The following PALM2AKAP2 variants were observed in gnomAD, a reference collection of about 807,000 sequenced individuals.
PALM2AKAP2 encodes the protein PALM2-AKAP2 fusion protein.
In PALM2AKAP2, 37 loss-of-function variants were observed where a neutral mutation model predicts 71.5. The observed-to-expected ratio is 0.52, with a 90% CI of 0.40 to 0.68. PALM2AKAP2 has a LOEUF of 0.68. PALM2AKAP2 is among the 30% of genes least tolerant of loss of function. The pLI, the probability that PALM2AKAP2 is intolerant of heterozygous loss-of-function variation, is 0.00. For missense variants in PALM2AKAP2, 1,224 were observed against 1,191.8 expected, an observed-to-expected ratio of 1.03 and a Z score of -0.40; for synonymous variants, 468 against 478.8, an observed-to-expected ratio of 0.98 and a Z score of 0.29.
chr9:109,945,142 C>G (rs1377329474), intron 6 of PALM2AKAP2: 1 of 151,878 alleles, frequency 6.6e-6, no homozygotes, highest in Non-Finnish European at 1.5e-5. Context: ...ATTATATTTA[C>G]TTCAATAGGA....
intron 1 of PALM2AKAP2, among the ~76,000 whole-genome samples, chr9:109,682,644 C>G (rs1164979720): frequency 2.0e-5 from 3 of 152,158 alleles, no homozygotes; most frequent in Admixed American, 1.3e-4. Flanking sequence ...GGCACTTGAC[C>G]TTTTATTTTT....
At chr9:109,988,356 T>C (rs371107387) in intron 6 of PALM2AKAP2, among the ~76,000 whole-genome samples, 1 of 152,234 alleles carries the variant, frequency 6.6e-6, no homozygotes, top group African/African-American at 2.4e-5. Context: ...TTCTAACCAA[T>C]TTTATATAGT....
At chr9:109,682,925 T>C (rs1827757778) in intron 1 of PALM2AKAP2, among the ~76,000 whole-genome samples, 1 of 152,188 alleles carries the variant, frequency 6.6e-6, no homozygotes, top group Admixed American at 6.5e-5. Flanking sequence ...GAGGTAATTA[T>C]TGTAATCCCC....
At chr9:109,880,079 G>A (rs1021634644) in intron 2 of PALM2AKAP2, among the ~76,000 whole-genome samples, 1 of 152,214 alleles carries the variant, frequency 6.6e-6, no homozygotes, top group Non-Finnish European at 1.5e-5. Flanking sequence ...CATTGAAGAA[G>A]AGTCTTGACA....
intron 1 of PALM2AKAP2, among the ~76,000 whole-genome samples, chr9:109,846,523 A>G (rs1361288684): frequency 2.6e-5 from 4 of 152,220 alleles, no homozygotes; most frequent in East Asian, 1.9e-4. Flanking sequence ...CTACTGCACC[A>G]TATCAATGAA....
intron 1 of PALM2AKAP2, among the ~76,000 whole-genome samples, chr9:109,724,136 T>C (rs1038922172): frequency 6.6e-6 from 1 of 152,022 alleles, no homozygotes; most frequent in Non-Finnish European, 1.5e-5. Context: ...TGTCCAATAA[T>C]AAAATAAATA....
intron 1 of PALM2AKAP2, among the ~76,000 whole-genome samples, chr9:110,065,688 T>G (rs955173397): frequency 1.3e-5 from 2 of 152,226 alleles, no homozygotes; most frequent in Non-Finnish European, 2.9e-5. Context: ...ACTGTATGCA[T>G]TAAGCAATAA....
chr9:109,995,269 G>A (rs1588049509), intron 6 of PALM2AKAP2, among the ~76,000 whole-genome samples: 1 of 152,122 alleles, frequency 6.6e-6, no homozygotes, highest in Non-Finnish European at 1.5e-5. Flanking sequence ...AGTAAGAAAA[G>A]GGAGAGGAAG....
chr9:110,110,542 CTTTTTTTT>C (rs559402514), intron 1 of PALM2AKAP2, among the ~76,000 whole-genome samples: 454 of 95,356 alleles, frequency 4.8e-3, no homozygotes, highest in African/African-American at 0.016. Flanking sequence ...TTTCTGAACT[CTTTTTTTT>C]TTTTTTTTTT....
chr9:109,663,282 G>T (rs148068531), intron 1 of PALM2AKAP2, among the ~76,000 whole-genome samples: 14 of 152,094 alleles, frequency 9.2e-5, no homozygotes, highest in African/African-American at 3.4e-4. Flanking sequence ...TGATGTTAGG[G>T]TGTTGATTTT....
intron 1 of PALM2AKAP2, among the ~76,000 whole-genome samples, chr9:110,134,672 A>T (rs1835807323): frequency 6.6e-6 from 1 of 152,188 alleles, no homozygotes; most frequent in African/African-American, 2.4e-5. Flanking sequence ...CTTTTTTGGG[A>T]AGGATTTTGA....
At chr9:109,946,381 G>T (rs995319614) in intron 6 of PALM2AKAP2, 5 of 152,074 alleles carry the variant, frequency 3.3e-5, no homozygotes, top group African/African-American at 1.2e-4. Flanking sequence ...GATTAGTTGG[G>T]CTTTCCTTTA....
intron 3 of PALM2AKAP2, among the ~76,000 whole-genome samples, chr9:110,163,380 C>T (rs757933836): frequency 1.4e-4 from 22 of 152,146 alleles, no homozygotes; most frequent in Non-Finnish European, 2.5e-4. Flanking sequence ...ATAAAACCCA[C>T]CTACCCAGCT....
exon 4 of PALM2AKAP2, chr9:110,172,480 A>G (rs1836880782): frequency 6.5e-6 from 1 of 152,676 alleles, no homozygotes. Flanking sequence ...TTATTTTCTC[A>G]TTAAAATCCA....
chr9:109,872,872 G>A (rs1447515346), intron 2 of PALM2AKAP2, among the ~76,000 whole-genome samples: 3 of 152,206 alleles, frequency 2.0e-5, no homozygotes, highest in African/African-American at 7.2e-5. Flanking sequence ...GATAGGCACA[G>A]TACACAGTGT....
At chr9:109,949,082 G>A (rs975282596) in intron 6 of PALM2AKAP2, among the ~76,000 whole-genome samples, 2 of 152,256 alleles carry the variant, frequency 1.3e-5, no homozygotes, top group Non-Finnish European at 2.9e-5. Flanking sequence ...GAACCTTGCA[G>A]GTGTGGCCCA....
At chr9:109,651,443 T>G (rs991698784) in intron 1 of PALM2AKAP2, among the ~76,000 whole-genome samples, 1 of 152,230 alleles carries the variant, frequency 6.6e-6, no homozygotes, top group South Asian at 2.1e-4. Context: ...TGGGTTACTG[T>G]CAGCTCTGCC....
chr9:109,768,390 T>A (rs1323781815), intron 1 of PALM2AKAP2, among the ~76,000 whole-genome samples: 1 of 152,230 alleles, frequency 6.6e-6, no homozygotes, highest in Non-Finnish European at 1.5e-5. Context: ...TGATACATAA[T>A]GTTTGTACAT....
At chr9:109,686,478 G>A (rs1012387698) in intron 1 of PALM2AKAP2, among the ~76,000 whole-genome samples, 8 of 152,162 alleles carry the variant, frequency 5.3e-5, no homozygotes, top group African/African-American at 1.9e-4. Flanking sequence ...TGGGTGACCA[G>A]GTGCATTGTC....
Sources: gnomAD v4.1 joint callset for allele counts (sites outside exome capture counted in the v4.1 genomes callset) on GRCh38, gnomAD v4.1.1 for gene constraint, MANE v1.5 for transcripts, NCBI Gene and HGNC (gene_info 2026-07-23, HGNC 2026-07-21) for gene names.